Variants in ITFG1 observed in about 807,000 individuals in gnomAD.
ITFG1 encodes the protein integrin alpha FG-GAP repeat containing 1.
Under a neutral mutation model 81.8 loss-of-function variants are expected in ITFG1, and 34 were observed. That is an observed-to-expected ratio of 0.42 (90% confidence interval 0.32 to 0.55). The LOEUF is 0.55. ITFG1 is among the 20% of genes least tolerant of loss of function. ITFG1 has a pLI of 0.17. For missense variants in ITFG1, 672 were observed against 755.4 expected (o/e 0.89, Z 1.29); for synonymous variants, 285 against 270.6 (o/e 1.05, Z -0.52).
intron 10 of ITFG1, among the ~76,000 whole-genome samples, chr16:47,281,027 C>G (rs376450055): frequency 1.3e-5 from 2 of 152,078 alleles, no homozygotes; most frequent in Non-Finnish European, 2.9e-5. Flanking sequence ...ATAGCATTTT[C>G]CAGAGTTTGG....
chr16:47,228,165 A>G (rs1301898674), intron 13 of ITFG1, among the ~76,000 whole-genome samples: 1 of 152,240 alleles, frequency 6.6e-6, no homozygotes, highest in Non-Finnish European at 1.5e-5. Context: ...ACGAAGCATG[A>G]TATCACCACT....
chr16:47,327,094 C>A (rs956969155), intron 8 of ITFG1, among the ~76,000 whole-genome samples: 5 of 152,108 alleles, frequency 3.3e-5, no homozygotes, highest in African/African-American at 1.2e-4. Context: ...GCTACAGTAA[C>A]CAAAACAGCA....
intron 8 of ITFG1, among the ~76,000 whole-genome samples, chr16:47,335,218 G>T (rs529128511): frequency 6.6e-6 from 1 of 152,032 alleles, no homozygotes; most frequent in South Asian, 2.1e-4. Context: ...TCAGTCAGGC[G>T]TGGTGGTGGG....
At chr16:47,320,028 T>G (rs1392011546) in intron 8 of ITFG1, among the ~76,000 whole-genome samples, 1 of 152,104 alleles carries the variant, frequency 6.6e-6, no homozygotes, top group Non-Finnish European at 1.5e-5. Flanking sequence ...TTCAAGCCAT[T>G]CTCCTGCCTT....
chr16:47,443,160 C>G (rs1969276821), intron 5 of ITFG1, among the ~76,000 whole-genome samples: 1 of 152,224 alleles, frequency 6.6e-6, no homozygotes, highest in Admixed American at 6.5e-5. Context: ...CTCATCATCA[C>G]TGGCCATCAG....
intron 14 of ITFG1, among the ~76,000 whole-genome samples, chr16:47,193,375 C>T (rs1965316462): frequency 1.3e-5 from 2 of 151,916 alleles, no homozygotes; most frequent in South Asian, 4.2e-4. Context: ...ATTTTCGTTT[C>T]TTCTGTTTCA....
intron 14 of ITFG1, among the ~76,000 whole-genome samples, chr16:47,190,945 A>ATT (rs1965284693): frequency 6.6e-6 from 1 of 152,072 alleles, no homozygotes; most frequent in Non-Finnish European, 1.5e-5. Flanking sequence ...GAAGGAGAAT[A>ATT]GCCTGGCTTT....
At chr16:47,241,343 C>T (rs1369273249) in intron 12 of ITFG1, among the ~76,000 whole-genome samples, 2 of 152,166 alleles carry the variant, frequency 1.3e-5, no homozygotes, top group Non-Finnish European at 2.9e-5. Context: ...GAAATGTGTA[C>T]ATCAGTGTTC....
intron 14 of ITFG1, among the ~76,000 whole-genome samples, chr16:47,183,484 C>A (rs1965162681): frequency 6.6e-6 from 1 of 152,188 alleles, no homozygotes; most frequent in Non-Finnish European, 1.5e-5. Flanking sequence ...TGACCCCTGA[C>A]CCCCAGGCAG....
chr16:47,174,616 G>T (rs140892473), intron 14 of ITFG1, among the ~76,000 whole-genome samples: 1 of 152,108 alleles, frequency 6.6e-6, no homozygotes, highest in African/African-American at 2.4e-5. Flanking sequence ...CGCCTCCCAC[G>T]TTCAAGCAAT....
At chr16:47,235,587 G>C (rs1220897965) in intron 13 of ITFG1, among the ~76,000 whole-genome samples, 1 of 152,168 alleles carries the variant, frequency 6.6e-6, no homozygotes, top group African/African-American at 2.4e-5. Flanking sequence ...CATGAGCTCA[G>C]TAATTTTTTC....
chr16:47,281,397 T>C (rs540367149), intron 10 of ITFG1, among the ~76,000 whole-genome samples: 15 of 152,258 alleles, frequency 9.9e-5, no homozygotes, highest in Admixed American at 2.6e-4. Flanking sequence ...GCCTCCTAAA[T>C]TTAGTTGAAT....
chr16:47,238,188 CAA>C, intron 12 of ITFG1, 180 bp from the exon 13 acceptor site: 1 of 496,930 alleles, frequency 2.0e-6, no homozygotes, highest in Non-Finnish European at 3.6e-6. Flanking sequence ...ACCAATATTT[CAA>C]AAGCCTTTAT....
chr16:47,420,305 G>C (rs1968928933), intron 6 of ITFG1, among the ~76,000 whole-genome samples: 1 of 152,144 alleles, frequency 6.6e-6, no homozygotes, highest in Admixed American at 6.6e-5. Flanking sequence ...AGAAAAATAT[G>C]TATTCTGTAG....
chr16:47,185,756 A>G (rs370078159), intron 14 of ITFG1, among the ~76,000 whole-genome samples: 4 of 152,188 alleles, frequency 2.6e-5, no homozygotes, highest in African/African-American at 9.6e-5. Context: ...AAATAACTAA[A>G]ATCAGAGCAG....
intron 8 of ITFG1, among the ~76,000 whole-genome samples, chr16:47,337,803 A>G (rs1967727489): frequency 6.6e-6 from 1 of 152,238 alleles, no homozygotes; most frequent in African/African-American, 2.4e-5. Flanking sequence ...CCAGGGCAAG[A>G]TGTGTGCTCA....
At chr16:47,172,046 G>A (rs552048864) in intron 14 of ITFG1, among the ~76,000 whole-genome samples, 1 of 152,228 alleles carries the variant, frequency 6.6e-6, no homozygotes, top group South Asian at 2.1e-4. Context: ...TAATTAACTT[G>A]ACTTAGGTTA....
At chr16:47,447,247 A>C (rs1319486076) in intron 5 of ITFG1, among the ~76,000 whole-genome samples, 2 of 152,202 alleles carry the variant, frequency 1.3e-5, no homozygotes, top group Admixed American at 6.5e-5. Context: ...AAGGAAACAA[A>C]GTTTTAATAC....
In ITFG1 at chr16:47,395,078, T is replaced by C. The variant is rs573392026; in HGVS notation, c.656-19138A>G. On this transcript the variant is annotated intron_variant, in intron 6 of 17. Transcript: ENST00000320640. The stretch of plus-strand genomic sequence containing the variant: ...GGACAAAACATTTTTACATGGCTTA[T>C]TGAAGTTGCATGCTAATTTTATTTC... Among the ~76,000 whole-genome samples the C allele has an allele frequency of 3.3e-5, 5 of 152,312 alleles. No individual in the cohort carries two copies. In the South Asian group the frequency reaches 6.2e-4, roughly 19 times the overall value.
Sources: allele counts gnomAD v4.1 joint callset (sites outside exome capture counted in the v4.1 genomes callset), GRCh38; gene constraint gnomAD v4.1.1; transcripts MANE v1.5; gene names NCBI Gene and HGNC (gene_info 2026-07-23, HGNC 2026-07-21).